The following LSM1 variants were observed in gnomAD, a reference collection of about 807,000 sequenced individuals.
LSM1 encodes LSM1 homolog, mRNA degradation associated.
In LSM1, 13 loss-of-function variants were observed where a neutral mutation model predicts 18.0. That is an observed-to-expected ratio of 0.72 (90% CI 0.47 to 1.15). LSM1 has a LOEUF of 1.15. LSM1 is among the 50% of genes most tolerant of loss of function. The pLI is 0.00. For synonymous variants in LSM1, 46 were observed against 56.0 expected (o/e 0.82, Z 0.80); for missense variants, 152 against 157.7 (o/e 0.96, Z 0.19).
chr8:38,171,059 G>A, intron 2 of LSM1: 1 of 411,494 alleles, frequency 2.4e-6, no homozygotes, highest in Non-Finnish European at 4.9e-6. Flanking sequence ...AAAAATGCAG[G>A]ATGCGAAACA....
chr8:38,165,002 C>G lies in LSM1; in HGVS notation c.232-1162G>C, dbSNP rs533395524. ...TCTTCTAGGGAGAACCTCGGCAGAC[C>G]ATTTAGGTTACTAAACCAATTTGGT... On this transcript the variant is annotated intron_variant, in intron 3 of 3. Coordinates refer to ENST00000311351, the MANE Select transcript of LSM1 (RefSeq NM_014462.3). 2.0e-5 allele frequency among the ~76,000 whole-genome samples: 3 copies of G among 152,212 alleles called. No homozygotes were observed. The East Asian group carries it at 5.8e-4, about 29-fold the overall frequency.
chr8:38,176,373 A>C lies in LSM1; in HGVS notation c.-53T>G. The stretch of plus-strand genomic sequence containing the variant: ...CAGCGGCGGGAGGCCAGCGCGTCCA[A>C]AACCTCTTCCCTCCTACCGCAGTCG... On this transcript the variant is annotated 5_prime_UTR_variant, in exon 1 of 4. Coordinates refer to ENST00000311351, the MANE Select transcript of LSM1 (RefSeq NM_014462.3). 2.0e-6 allele frequency: 3 copies of C among 1,475,510 alleles called. No individual in the cohort carries two copies. The highest frequency in any genetic ancestry group is 1.9e-6 in the Non-Finnish European group (2 of 1,064,490). 91.4% of individuals were successfully genotyped at this position (1,475,510 alleles called of 1,614,324 possible).
intron 3 of LSM1, among the ~76,000 whole-genome samples, chr8:38,168,145 T>C (rs1442981467): frequency 6.6e-6 from 1 of 151,488 alleles, no homozygotes; most frequent in Non-Finnish European, 1.5e-5. Flanking sequence ...TGTATTTTAA[T>C]AGGGATGGGG....
At chr8:38,168,249 C>G (rs1346686944) in intron 3 of LSM1, among the ~76,000 whole-genome samples, 1 of 151,498 alleles carries the variant, frequency 6.6e-6, no homozygotes, top group Non-Finnish European at 1.5e-5. Context: ...GCGTGAGGCA[C>G]CGCACCTGGC....
Position 38,176,427 on chromosome 8 carries a change from C to G in LSM1, c.-107G>C. ...CCTCGGTGGGACCAAGCCCGGAATC[C>G]CGACCGAGACCAGCACTTCTGCCCC... is the stretch of plus-strand genomic sequence containing the variant. On this transcript the variant is annotated 5_prime_UTR_variant, in exon 1 of 4. Coordinates refer to ENST00000311351, the MANE Select transcript of LSM1 (RefSeq NM_014462.3). The G allele has an allele frequency of 1.2e-6, 1 of 850,332 alleles. No individual in the cohort carries two copies. The highest frequency in any genetic ancestry group is 1.5e-5 in the South Asian group (1 of 64,708). 52.7% of individuals were successfully genotyped at this position (850,332 alleles called of 1,614,324 possible).
chr8:38,163,952 C>T (rs2130635774), intron 3 of LSM1, 112 bp from the exon 4 acceptor site: 2 of 936,624 alleles, frequency 2.1e-6, no homozygotes, highest in Non-Finnish European at 3.3e-6. Flanking sequence ...ATAACTGTGA[C>T]AGGAACTGAA....
At chr8:38,175,334 C>T (rs994861273) in intron 1 of LSM1, among the ~76,000 whole-genome samples, 6 of 152,098 alleles carry the variant, frequency 3.9e-5, no homozygotes, top group Non-Finnish European at 7.3e-5. Context: ...CCCCAAAGTG[C>T]TGGGATTACA....
intron 3 of LSM1, among the ~76,000 whole-genome samples, chr8:38,168,591 C>CTAA (rs1802976325): frequency 1.2e-4 from 12 of 100,494 alleles, no homozygotes; most frequent in Admixed American, 2.1e-4. Flanking sequence ...AACTCTGTCC[C>CTAA]AAAAAAAAAA....
chr8:38,164,887 T>C lies in LSM1; in HGVS notation c.232-1047A>G, dbSNP rs1002023522. On this transcript the variant is annotated intron_variant, in intron 3 of 3. Transcript: ENST00000311351. ...GATCCTCTTGCCTTTACCTCCTACG[T>C]AGCTGGGGCTACAGGTGTGCGCCAC... 2.6e-5 allele frequency among the ~76,000 whole-genome samples: 4 copies of C among 152,146 alleles called. No individual in the cohort carries two copies. In the South Asian group the frequency reaches 8.3e-4, roughly 31 times the overall value.
intron 3 of LSM1, among the ~76,000 whole-genome samples, chr8:38,169,172 A>T (rs1196629195): frequency 6.6e-6 from 1 of 151,572 alleles, no homozygotes; most frequent in South Asian, 2.1e-4. Flanking sequence ...AAGATACTTT[A>T]AAAAAAAATC....
chr8:38,170,943 G>A, intron 2 of LSM1: 1 of 380,310 alleles, frequency 2.6e-6, no homozygotes, highest in Non-Finnish European at 5.4e-6. Flanking sequence ...TTTTAATTAC[G>A]TTTCTTCCTC....
At chr8:38,172,983 G>A (rs1803056093) in intron 1 of LSM1, among the ~76,000 whole-genome samples, 1 of 152,152 alleles carries the variant, frequency 6.6e-6, no homozygotes, top group South Asian at 2.1e-4. Flanking sequence ...ATAACCTATT[G>A]TGATTAGGAC....
chr8:38,168,484 G>A (rs1243203368), intron 3 of LSM1, among the ~76,000 whole-genome samples: 2 of 150,868 alleles, frequency 1.3e-5, no homozygotes, highest in African/African-American at 2.4e-5. Flanking sequence ...CCAGCTACTC[G>A]GGAGGCTGAG....
At chr8:38,167,689 A>T (rs1235369726) in intron 3 of LSM1, among the ~76,000 whole-genome samples, 1 of 152,124 alleles carries the variant, frequency 6.6e-6, no homozygotes, top group African/African-American at 2.4e-5. Flanking sequence ...CTTCAAAATT[A>T]AATTCAGAAA....
chr8:38,168,152 G>A (rs1448727465), intron 3 of LSM1, among the ~76,000 whole-genome samples: 1 of 151,574 alleles, frequency 6.6e-6, no homozygotes, highest in Non-Finnish European at 1.5e-5. Context: ...TAATAGGGAT[G>A]GGGTTTCACT....
chr8:38,172,156 TTC>T, intron 1 of LSM1, 123 bp from the exon 2 acceptor site: 1 of 701,772 alleles, frequency 1.4e-6, no homozygotes, highest in Non-Finnish European at 2.5e-6. Flanking sequence ...GAAGTTCAAG[TTC>T]ATTGGAAAAC....
chr8:38,175,990 G>A (rs1803129906), intron 1 of LSM1: 3 of 360,648 alleles, frequency 8.3e-6, no homozygotes, highest in South Asian at 4.7e-5. Flanking sequence ...TCGTGTTCGG[G>A]CCTCTGCTGC....
chr8:38,176,651 G>C (rs980998806), upstream of LSM1: 5 of 576,194 alleles, frequency 8.7e-6, no homozygotes, highest in African/African-American at 7.8e-5. Flanking sequence ...AAGGAACACG[G>C]TGTCTTCCTT....
chr8:38,176,089 C>T (rs1358602680), intron 1 of LSM1, 186 bp downstream of exon 1: 3 of 500,798 alleles, frequency 6.0e-6, no homozygotes, highest in African/African-American at 5.9e-5. Context: ...GAAGTAGCAG[C>T]AGGCTACTGG....
Sources: allele counts gnomAD v4.1 joint callset (sites outside exome capture counted in the v4.1 genomes callset), GRCh38; gene constraint gnomAD v4.1.1; transcripts MANE v1.5; gene names NCBI Gene and HGNC (gene_info 2026-07-23, HGNC 2026-07-21).